Variants in DLG1 observed in about 807,000 individuals in gnomAD.
The protein encoded by DLG1 is disks large homolog 1.
DLG1 carries 42 observed loss-of-function variants against 123.4 expected under a neutral mutation model. That is an observed-to-expected ratio of 0.34 (90% CI 0.27 to 0.44). The LOEUF (loss-of-function observed/expected upper bound fraction) is 0.44, where lower values mean the gene tolerates loss of function less well. Ranked by LOEUF, DLG1 falls within the 20% of genes least tolerant of loss-of-function variation. The pLI, the probability that DLG1 is intolerant of heterozygous loss-of-function variation, is 1.00. For synonymous variants in DLG1, 317 were observed against 356.2 expected, an observed-to-expected ratio of 0.89 and a Z score of 1.24; for missense variants, 942 against 1,082.6, an observed-to-expected ratio of 0.87 and a Z score of 1.82.
intron 4 of DLG1, among the ~76,000 whole-genome samples, chr3:197,278,540 A>C (rs1235415248): frequency 6.6e-5 from 10 of 151,990 alleles, no homozygotes; most frequent in Non-Finnish European, 1.5e-4. Flanking sequence ...ATTAAACACT[A>C]AACAAACATT....
chr3:197,249,419 T>G (rs908617635), intron 4 of DLG1, among the ~76,000 whole-genome samples: 3 of 151,920 alleles, frequency 2.0e-5, no homozygotes, highest in African/African-American at 7.2e-5. Flanking sequence ...CCCATTCCAC[T>G]AAATATTAAA....
chr3:197,062,114 A>G (rs1386684549), intron 22 of DLG1, among the ~76,000 whole-genome samples: 1 of 152,158 alleles, frequency 6.6e-6, no homozygotes, highest in East Asian at 1.9e-4. Context: ...GATGGGAGTT[A>G]CGTCCCAATA....
At chr3:197,234,239 T>C (rs564266708) in intron 4 of DLG1, among the ~76,000 whole-genome samples, 1 of 152,324 alleles carries the variant, frequency 6.6e-6, no homozygotes, top group South Asian at 2.1e-4. Flanking sequence ...GAGCTCCCTG[T>C]CCAGTTCTAA....
At position 197,159,272 on chromosome 3, in the gene DLG1, C is replaced by T. The variant is rs149690822; in HGVS notation, c.484-9476G>A. On this transcript the variant is annotated intron_variant, in intron 5 of 24. Transcript: ENST00000667157. ...GTAGAAGACTTTCATAAAGTACAAA[C>T]AATATGATCAATGTGAAAGTACTCT... 1.1e-3 allele frequency among the ~76,000 whole-genome samples: 172 copies of T among 152,228 alleles called. 1 individual carries two copies. Among genetic ancestry groups the T allele is most frequent in the Middle Eastern group, 6.8e-3 (2 of 294 alleles).
chr3:197,228,499 AAT>A (rs1741135989), intron 4 of DLG1, among the ~76,000 whole-genome samples: 1 of 152,226 alleles, frequency 6.6e-6, no homozygotes, highest in South Asian at 2.1e-4. Flanking sequence ...GATTACTAGG[AAT>A]TAACCAGTGT....
At position 197,042,927 on chromosome 3, in the gene DLG1, T is replaced by C. The variant is rs1485068772; in HGVS notation, c.*1696A>G. The C allele has an allele frequency of 6.6e-6, 1 of 152,204 alleles. No individual in the cohort carries two copies. Among genetic ancestry groups the C allele is most frequent in the Non-Finnish European group, 1.5e-5 (1 of 68,034 alleles). The allele number at this position is 152,204 out of a possible 1,614,324, so 9.4% of individuals were successfully genotyped here. On this transcript the variant is annotated 3_prime_UTR_variant, in exon 25 of 25. Transcript: ENST00000667157. ...CAAAATTCAAGACACACTTAACATA[T>C]GGATTTTACAATACAGTTTATTAGC...
At chr3:197,145,842 A>G (rs1321027296) in intron 6 of DLG1, among the ~76,000 whole-genome samples, 1 of 144,564 alleles carries the variant, frequency 6.9e-6, no homozygotes, top group Non-Finnish European at 1.5e-5. Flanking sequence ...CACGTCTTTA[A>G]TCCCAGCTAC....
Position 197,261,608 on chromosome 3 carries a change from T to C in DLG1, c.318+21071A>G, listed in dbSNP as rs1005494900. Among the ~76,000 whole-genome samples the C allele has an allele frequency of 2.0e-5, 3 of 152,186 alleles. No individual in the cohort carries two copies. In the South Asian group the frequency reaches 6.2e-4, roughly 31 times the overall value. Reference sequence around the variant, plus strand: ...GTTCCTACTTGCCTCTTATACCCCATTCCTCCTCCTAACATTTCAAATACA... The same window carrying C: ...GTTCCTACTTGCCTCTTATACCCCACTCCTCCTCCTAACATTTCAAATACA... On this transcript the variant is annotated intron_variant, in intron 4 of 24. Coordinates refer to ENST00000667157, the MANE Select transcript of DLG1 (RefSeq NM_001366207.1).
intron 4 of DLG1, among the ~76,000 whole-genome samples, chr3:197,277,713 G>A (rs557841910): frequency 6.6e-6 from 1 of 151,970 alleles, no homozygotes; most frequent in South Asian, 2.1e-4. Context: ...ATTAAATCAG[G>A]CAATTCCTCC....
chr3:197,068,092 A>T (rs1740999648), intron 19 of DLG1, among the ~76,000 whole-genome samples: 1 of 152,236 alleles, frequency 6.6e-6, no homozygotes, highest in African/African-American at 2.4e-5. Context: ...ACATTGGCAT[A>T]AACATTCTTT....
intron 14 of DLG1, among the ~76,000 whole-genome samples, chr3:197,093,638 T>C (rs1307618284): frequency 6.6e-6 from 1 of 152,118 alleles, no homozygotes; most frequent in African/African-American, 2.4e-5. Flanking sequence ...ATGACTCTTA[T>C]GTACTGCACA....
chr3:197,255,012 C>T (rs1413220467), intron 4 of DLG1, among the ~76,000 whole-genome samples: 1 of 151,952 alleles, frequency 6.6e-6, no homozygotes, highest in East Asian at 1.9e-4. Context: ...GCCGAGATCA[C>T]GCTACTGCAT....
At chr3:197,181,630 A>C (rs1320468685) in intron 5 of DLG1, among the ~76,000 whole-genome samples, 1 of 152,198 alleles carries the variant, frequency 6.6e-6, no homozygotes, top group Non-Finnish European at 1.5e-5. Flanking sequence ...GTTATAAAAA[A>C]ATTAAGATAT....
intron 11 of DLG1, among the ~76,000 whole-genome samples, chr3:197,123,439 T>C (rs750189002): frequency 6.6e-6 from 1 of 151,932 alleles, no homozygotes; most frequent in African/African-American, 2.4e-5. Flanking sequence ...GTAAAAAGAT[T>C]TGAACAGACA....
intron 4 of DLG1, among the ~76,000 whole-genome samples, chr3:197,216,428 T>C (rs766491436): frequency 6.6e-6 from 1 of 152,112 alleles, no homozygotes; most frequent in Non-Finnish European, 1.5e-5. Flanking sequence ...AAAGCAAAAA[T>C]CAGCAAAGAA....
rs116413673 is a variant in DLG1, at chr3:197,214,918, G to A, written c.319-20329C>T. ...ACAATGATCTATCACTTTTATCTGGGCATACCCACAAAACCACAAATGCCC... is the reference window on the plus strand; with the variant it reads ...ACAATGATCTATCACTTTTATCTGGACATACCCACAAAACCACAAATGCCC... On this transcript the variant is annotated intron_variant, in intron 4 of 24. Coordinates refer to ENST00000667157, the MANE Select transcript of DLG1 (RefSeq NM_001366207.1). 8.0e-3 allele frequency among the ~76,000 whole-genome samples: 1,222 copies of A among 152,220 alleles called. 9 individuals carry two copies. The highest frequency in any genetic ancestry group is 0.012 in the Non-Finnish European group (791 of 68,006).
At chr3:197,226,919 C>T (rs1740275981) in intron 4 of DLG1, among the ~76,000 whole-genome samples, 2 of 152,176 alleles carry the variant, frequency 1.3e-5, no homozygotes, top group South Asian at 4.1e-4. Context: ...AAATAAAATA[C>T]TGTGAAAATG....
At chr3:197,062,583 ATTCT>A (rs1215755386) in intron 22 of DLG1, among the ~76,000 whole-genome samples, 1 of 152,086 alleles carries the variant, frequency 6.6e-6, no homozygotes, top group Non-Finnish European at 1.5e-5. Flanking sequence ...CATCTTCATC[ATTCT>A]TTGAGTGCTT....
chr3:197,151,082 G>A (rs1793627561), intron 5 of DLG1, among the ~76,000 whole-genome samples: 1 of 152,050 alleles, frequency 6.6e-6, no homozygotes, highest in Admixed American at 6.5e-5. Context: ...ACAGACATTT[G>A]AGATTTTATG....
Sources: allele counts gnomAD v4.1 joint callset (sites outside exome capture counted in the v4.1 genomes callset), GRCh38; gene constraint gnomAD v4.1.1; transcripts MANE v1.5; gene names NCBI Gene and HGNC (gene_info 2026-07-23, HGNC 2026-07-21).